The following ADD3 variants were observed in gnomAD, a reference collection of about 807,000 sequenced individuals.
The protein encoded by ADD3 is adducin 3.
A neutral mutation model predicts 80.2 loss-of-function variants in ADD3; 25 were observed. That is an observed-to-expected ratio of 0.31 (90% confidence interval 0.23 to 0.44). The LOEUF (loss-of-function observed/expected upper bound fraction) is 0.44. Ranked by LOEUF, ADD3 falls within the 20% of genes least tolerant of loss-of-function variation. The pLI is 1.00. For synonymous variants in ADD3, 284 were observed against 289.6 expected (o/e 0.98, Z 0.20); for missense variants, 829 against 847.5 (o/e 0.98, Z 0.27).
Position 110,123,975 on chromosome 10 carries a change from A to T in ADD3, c.1144-42A>T, listed in dbSNP as rs200960347. ...AATTAGGATCCAAATGCTGTTATTG[A>T]TACAGGTTTGATGCTTCAAATGTGG... On this transcript the variant is annotated intron_variant, in intron 9 of 14. Coordinates refer to ENST00000356080, the MANE Select transcript of ADD3 (RefSeq NM_016824.5). The T allele has an allele frequency of 1.3e-3, 2,127 of 1,586,872 alleles. 7 individuals are homozygous for T. Among genetic ancestry groups the T allele is most frequent in the Non-Finnish European group, 1.4e-3 (1,663 of 1,162,262 alleles).
rs1349734837 is a variant in ADD3 at position 110,027,241 on chromosome 10, C to T, written c.-30+18942C>T. Among the ~76,000 whole-genome samples, 29 of 152,096 alleles carry T rather than the reference C, an allele frequency of 1.9e-4. 1 individual carries two copies. Among genetic ancestry groups the T allele is most frequent in the Admixed American group, 1.8e-3 (28 of 15,266 alleles). ...AAATGTTTGTCTTTTAAGAGAAAAT[C>T]TAGTGAGCTATCAAGAGTTGTAATC... is the stretch of plus-strand genomic sequence containing the variant. On this transcript the variant is annotated intron_variant, in intron 1 of 14. Coordinates refer to ENST00000356080, the MANE Select transcript of ADD3 (RefSeq NM_016824.5).
intron 10 of ADD3, among the ~76,000 whole-genome samples, chr10:110,125,077 G>T (rs1851978902): frequency 6.6e-6 from 1 of 152,062 alleles, no homozygotes; most frequent in East Asian, 1.9e-4. Flanking sequence ...ATAAACTAAT[G>T]GCATTCAATA....
chr10:110,002,132 A>T (rs1851498394), upstream of ADD3, among the ~76,000 whole-genome samples: 1 of 152,072 alleles, frequency 6.6e-6, no homozygotes, highest in African/African-American at 2.4e-5. Context: ...TTTCTACTAA[A>T]ACTACAAAAA....
chr10:110,119,773 C>CT (rs1851225204), intron 8 of ADD3: 2 of 476,276 alleles, frequency 4.2e-6, no homozygotes, highest in South Asian at 5.5e-5. Flanking sequence ...CACACACAAT[C>CT]TAAGGGCCTC....
At position 110,119,299 on chromosome 10, in the gene ADD3, T is replaced by G. The variant is rs781086274; in HGVS notation, c.806T>G (p.Leu269Arg). The part of the protein sequence containing the change: ...DVAYYDYQGS[L>R]EEQEERIQLQ... ...GCCTATTATGACTACCAAGGGTCAC[T>G]TGAAGAACAGGAGGAGAGAATTCAA... Residue 269 changes from leucine to arginine, a missense_variant, in exon 7 of 15, where the codon CTT (leucine) becomes CGT (arginine). Transcript: ENST00000356080. 6.2e-7 allele frequency: 1 copy of G among 1,614,052 alleles called. No individual in the cohort carries two copies. The highest frequency in any genetic ancestry group is 1.3e-5 in the African/African-American group (1 of 74,938).
intron 1 of ADD3, among the ~76,000 whole-genome samples, chr10:110,059,749 A>G (rs1858655787): frequency 6.6e-6 from 1 of 152,208 alleles, no homozygotes; most frequent in Non-Finnish European, 1.5e-5. Context: ...AGCCTGGGTG[A>G]CAGAGCGAGA....
intron 1 of ADD3, among the ~76,000 whole-genome samples, chr10:110,038,034 A>T (rs1376391947): frequency 7.1e-6 from 1 of 141,804 alleles, no homozygotes; most frequent in Non-Finnish European, 1.5e-5. Context: ...GTGCCATTGC[A>T]CTCCAGCCTG....
chr10:110,122,909 G>T (rs567050443), intron 9 of ADD3, among the ~76,000 whole-genome samples: 1 of 152,064 alleles, frequency 6.6e-6, no homozygotes, highest in Admixed American at 6.6e-5. Flanking sequence ...TGGGATTACT[G>T]GCGTGAGCTG....
rs369467010 is a variant in ADD3, at chr10:110,125,822, T to A, written c.1402-4T>A. On this transcript the variant is annotated splice_polypyrimidine_tract_variant and splice_region_variant and intron_variant, in intron 10 of 14. Transcript: ENST00000356080. The stretch of plus-strand genomic sequence containing the variant: ...TTCATTTTAGAAAATTTTTGATTCT[T>A]TAGTGGATGAAAGCAGAAGACTCAT... 6 of 1,570,818 alleles carry A rather than the reference T, an allele frequency of 3.8e-6. No individual in the cohort carries two copies. Among genetic ancestry groups the A allele is most frequent in the Non-Finnish European group, 4.3e-6 (5 of 1,154,596 alleles).
chr10:110,117,887 A>C (rs1850956940), intron 5 of ADD3, among the ~76,000 whole-genome samples: 1 of 152,054 alleles, frequency 6.6e-6, no homozygotes, highest in South Asian at 2.1e-4. Context: ...GTGGTGGCAC[A>C]CACCTGTAAT....
intron 2 of ADD3, among the ~76,000 whole-genome samples, chr10:110,101,425 G>A (rs1590124554): frequency 6.6e-6 from 1 of 152,268 alleles, no homozygotes; most frequent in East Asian, 1.9e-4. Flanking sequence ...CTTGAGCACA[G>A]GAGTTTGAAA....
At chr10:110,017,447 A>G (rs149037015) in intron 1 of ADD3, among the ~76,000 whole-genome samples, 2 of 152,350 alleles carry the variant, frequency 1.3e-5, no homozygotes, top group East Asian at 3.9e-4. Context: ...AAACCACAAG[A>G]AAAGTTTACT....
chr10:110,101,723 C>G (rs188363066), intron 2 of ADD3, among the ~76,000 whole-genome samples: 1 of 151,750 alleles, frequency 6.6e-6, no homozygotes, highest in African/African-American at 2.4e-5. Context: ...TTCAAATGAT[C>G]TGTTTTCTTA....
At chr10:110,099,834 A>G (rs1364564418) in intron 1 of ADD3, among the ~76,000 whole-genome samples, 1 of 152,228 alleles carries the variant, frequency 6.6e-6, no homozygotes, top group Non-Finnish European at 1.5e-5. Context: ...AAGTTTTATA[A>G]CTACTTTTTA....
upstream of ADD3, among the ~76,000 whole-genome samples, chr10:110,007,371 C>A (rs1386656318): frequency 6.6e-6 from 1 of 152,212 alleles, no homozygotes; most frequent in Non-Finnish European, 1.5e-5. Context: ...GTCCAGGCCC[C>A]ACGGGGGGCG....
chr10:110,004,274 C>A (rs1851549849), upstream of ADD3, among the ~76,000 whole-genome samples: 1 of 151,446 alleles, frequency 6.6e-6, no homozygotes, highest in Non-Finnish European at 1.5e-5. Flanking sequence ...GTGGCTCACG[C>A]CTGTAATCCC....
chr10:110,014,025 T>G (rs992683716), intron 1 of ADD3, among the ~76,000 whole-genome samples: 7 of 152,366 alleles, frequency 4.6e-5, no homozygotes, highest in African/African-American at 1.4e-4. Flanking sequence ...CCATTCAATA[T>G]TCTCATCCTA....
chr10:110,009,279 A>T (rs955184205), intron 1 of ADD3, among the ~76,000 whole-genome samples: 1 of 152,192 alleles, frequency 6.6e-6, no homozygotes. Flanking sequence ...AGCTACATAC[A>T]CGTGCGTGCA....
intron 13 of ADD3, among the ~76,000 whole-genome samples, chr10:110,130,864 A>AG (rs1318483344): frequency 6.6e-6 from 1 of 152,066 alleles, no homozygotes; most frequent in Non-Finnish European, 1.5e-5. Context: ...TCAAAAAAAA[A>AG]AAAACAGAAA....
Sources: allele counts gnomAD v4.1 joint callset (sites outside exome capture counted in the v4.1 genomes callset), GRCh38; gene constraint gnomAD v4.1.1; transcripts MANE v1.5; gene names NCBI Gene and HGNC (gene_info 2026-07-23, HGNC 2026-07-21).